Variants in TENM2 observed in about 807,000 individuals in gnomAD.
TENM2 encodes the protein teneurin transmembrane protein 2, also known as teneurin-2.
A neutral mutation model predicts 245.2 loss-of-function variants in TENM2; 52 were observed. That is an observed-to-expected ratio of 0.21 (90% CI 0.17 to 0.27). The LOEUF (loss-of-function observed/expected upper bound fraction) is 0.27. TENM2 is among the 10% of genes least tolerant of loss of function. The pLI, the probability that TENM2 is intolerant of heterozygous loss-of-function variation, is 1.00. For missense variants in TENM2, 3,046 were observed against 3,666.8 expected, an observed-to-expected ratio of 0.83 and a Z score of 4.37; for synonymous variants, 1,363 against 1,438.9, an observed-to-expected ratio of 0.95 and a Z score of 1.19.
chr5:168,116,805 G>A (rs2152330925), intron 9 of TENM2, among the ~76,000 whole-genome samples: 1 of 152,244 alleles, frequency 6.6e-6, no homozygotes, highest in African/African-American at 2.4e-5. Flanking sequence ...GAAGTGACAT[G>A]ATTAGGTATG....
chr5:167,870,962 G>A (rs751519271), intron 2 of TENM2, among the ~76,000 whole-genome samples: 1 of 152,064 alleles, frequency 6.6e-6, no homozygotes, highest in Non-Finnish European at 1.5e-5. Context: ...TCTGCAACAT[G>A]CCCTCTGTCA....
chr5:167,724,028 G>A (rs983379532), intron 2 of TENM2, among the ~76,000 whole-genome samples: 3 of 152,194 alleles, frequency 2.0e-5, no homozygotes, highest in Admixed American at 1.3e-4. Flanking sequence ...CCTGTTTGAT[G>A]AGAATTAAGT....
chr5:168,200,538 G>C (rs1007151891), intron 17 of TENM2, among the ~76,000 whole-genome samples: 1 of 152,166 alleles, frequency 6.6e-6, no homozygotes, highest in African/African-American at 2.4e-5. Context: ...GACAGACAGA[G>C]AGAAGGCCAG....
chr5:167,740,050 T>C (rs1561724867), intron 2 of TENM2, among the ~76,000 whole-genome samples: 2 of 152,160 alleles, frequency 1.3e-5, no homozygotes, highest in South Asian at 4.1e-4. Context: ...CATTAGTGAG[T>C]GGTGCTGGTC....
At chr5:167,459,447 T>C (rs1766142869) in intron 2 of TENM2, among the ~76,000 whole-genome samples, 1 of 152,252 alleles carries the variant, frequency 6.6e-6, no homozygotes, top group African/African-American at 2.4e-5. Flanking sequence ...TGAATAATGC[T>C]GCTATGTACA....
the TENM2 span, among the ~76,000 whole-genome samples, chr5:167,031,639 A>G: frequency 6.6e-6 from 1 of 152,062 alleles, no homozygotes; most frequent in South Asian, 2.1e-4. Flanking sequence ...ATCTCGGCTC[A>G]CTGCAATCCC....
At chr5:167,600,175 T>C (rs978486048) in intron 2 of TENM2, among the ~76,000 whole-genome samples, 1 of 151,702 alleles carries the variant, frequency 6.6e-6, no homozygotes, top group Non-Finnish European at 1.5e-5. Flanking sequence ...CAGACTAGGC[T>C]GATAACTTTT....
At chr5:167,267,843 G>A in the TENM2 span, among the ~76,000 whole-genome samples, 1 of 152,006 alleles carries the variant, frequency 6.6e-6, no homozygotes, top group African/African-American at 2.4e-5. Flanking sequence ...ATTTTTTATG[G>A]GGCTGTACAT....
chr5:167,504,554 G>T (rs1328462689), intron 2 of TENM2, among the ~76,000 whole-genome samples: 3 of 152,106 alleles, frequency 2.0e-5, no homozygotes, highest in African/African-American at 7.2e-5. Flanking sequence ...ACCATATAAT[G>T]AAAAATTACA....
intron 2 of TENM2, among the ~76,000 whole-genome samples, chr5:167,479,854 A>G (rs947231353): frequency 1.3e-5 from 2 of 152,232 alleles, no homozygotes; most frequent in African/African-American, 4.8e-5. Context: ...TGAACAATTC[A>G]AAAGAAAGAA....
At chr5:167,098,482 C>T in the TENM2 span, among the ~76,000 whole-genome samples, 1 of 152,240 alleles carries the variant, frequency 6.6e-6, no homozygotes, top group African/African-American at 2.4e-5. Flanking sequence ...GACAGTGTGT[C>T]GGCTCACTTC....
intron 17 of TENM2, among the ~76,000 whole-genome samples, chr5:168,202,769 A>T (rs77400420): frequency 0.023 from 3,472 of 152,116 alleles, 128 homozygotes; most frequent in African/African-American, 0.077. Flanking sequence ...TATCTCAGGA[A>T]TTTTTTAAAG....
At chr5:167,089,222 T>C in the TENM2 span, among the ~76,000 whole-genome samples, 5 of 152,230 alleles carry the variant, frequency 3.3e-5, no homozygotes, top group Non-Finnish European at 7.3e-5. Flanking sequence ...TTCTGAACAC[T>C]TTCTTAAATA....
chr5:167,454,488 G>A (rs913604929), intron 2 of TENM2, among the ~76,000 whole-genome samples: 16 of 151,762 alleles, frequency 1.1e-4, no homozygotes, highest in South Asian at 2.1e-4. Flanking sequence ...ATGTGCACAC[G>A]TGTGTATGTG....
intron 1 of TENM2, among the ~76,000 whole-genome samples, chr5:167,367,860 C>A (rs1760156090): frequency 6.6e-6 from 1 of 151,932 alleles, no homozygotes; most frequent in Admixed American, 6.6e-5. Flanking sequence ...TTTCTATGGG[C>A]AAAAACTTAA....
At chr5:167,669,030 T>A (rs577533985) in intron 2 of TENM2, among the ~76,000 whole-genome samples, 6 of 152,210 alleles carry the variant, frequency 3.9e-5, no homozygotes, top group Non-Finnish European at 7.3e-5. Flanking sequence ...CCATTTTAAC[T>A]GAGCACACAC....
intron 9 of TENM2, among the ~76,000 whole-genome samples, chr5:168,099,772 T>C (rs1411314740): frequency 6.6e-6 from 1 of 152,190 alleles, no homozygotes; most frequent in Non-Finnish European, 1.5e-5. Flanking sequence ...TGCTGATAAG[T>C]GAAGGGGGCT....
chr5:167,783,533 A>G (rs929234878), intron 2 of TENM2, among the ~76,000 whole-genome samples: 3 of 152,208 alleles, frequency 2.0e-5, no homozygotes, highest in Non-Finnish European at 2.9e-5. Context: ...GTTAGATGCC[A>G]CGGCAGTGTG....
chr5:167,070,284 A>ATTTTTTTTTTTTTTT, the TENM2 span, among the ~76,000 whole-genome samples: 112 of 99,336 alleles, frequency 1.1e-3, 8 homozygotes, highest in African/African-American at 5.5e-3. Context: ...CGCCCGGCTA[A>ATTTTTTTTTTTTTTT]TTTTTTTTTT....
Sources: gnomAD v4.1 joint callset for allele counts (sites outside exome capture counted in the v4.1 genomes callset) on GRCh38, gnomAD v4.1.1 for gene constraint, MANE v1.5 for transcripts, NCBI Gene and HGNC (gene_info 2026-07-23, HGNC 2026-07-21) for gene names.